PRR16: variants seen among roughly 807,000 people sequenced by gnomAD.
The protein encoded by PRR16 is protein Largen.
PRR16 carries 6 observed loss-of-function variants against 18.2 expected under a neutral mutation model. The ratio of observed to expected loss-of-function variants is 0.33; its 90% CI spans 0.18 to 0.65. The LOEUF is 0.65. Ranked by LOEUF, PRR16 falls within the 30% of genes least tolerant of loss-of-function variation. The probability of loss-of-function intolerance (pLI) is 0.74; values close to 1 mark genes in which losing one functional copy is unlikely to be tolerated. For missense variants in PRR16, 412 were observed against 376.6 expected (o/e 1.09, Z -0.78); for synonymous variants, 151 against 147.8 (o/e 1.02, Z -0.16).
At chr5:120,645,642 G>T (rs1304772006) in intron 1 of PRR16, among the ~76,000 whole-genome samples, 1 of 151,974 alleles carries the variant, frequency 6.6e-6, no homozygotes, top group Non-Finnish European at 1.5e-5. Flanking sequence ...GTTTGAAGTT[G>T]CTCAATAAGT....
chr5:120,568,281 A>G (rs2112730207), intron 1 of PRR16, among the ~76,000 whole-genome samples: 1 of 152,224 alleles, frequency 6.6e-6, no homozygotes, highest in South Asian at 2.1e-4. Context: ...GACATTGTGG[A>G]TCGATAGAGC....
chr5:120,754,245 TATTATAATATAAAA>T, the PRR16 span, among the ~76,000 whole-genome samples: 1 of 105,496 alleles, frequency 9.5e-6, no homozygotes, highest in East Asian at 2.4e-4. Context: ...TATAATTAGA[TATTATAATATAAAA>T]ATATAAATAT....
the PRR16 span, among the ~76,000 whole-genome samples, chr5:120,739,912 T>C: frequency 6.6e-6 from 1 of 152,168 alleles, no homozygotes; most frequent in African/African-American, 2.4e-5. Flanking sequence ...CTAAAACATA[T>C]TTTAAAATTT....
intron 1 of PRR16, among the ~76,000 whole-genome samples, chr5:120,479,611 G>T (rs2601210): frequency 0.31 from 46,711 of 151,754 alleles, 8,254 homozygotes; most frequent in African/African-American, 0.49. Flanking sequence ...TAAAAAATGA[G>T]TCAAAGAAAA....
chr5:120,532,111 A>G, intron 1 of PRR16, among the ~76,000 whole-genome samples: 1 of 152,166 alleles, frequency 6.6e-6, no homozygotes, highest in South Asian at 2.1e-4. Flanking sequence ...ATGATTGTAC[A>G]ATATGTTCTC....
chr5:120,532,484 A>G (rs1751583578), intron 1 of PRR16, among the ~76,000 whole-genome samples: 1 of 151,652 alleles, frequency 6.6e-6, no homozygotes, highest in African/African-American at 2.4e-5. Flanking sequence ...AGAGATAATT[A>G]AATTAATTAG....
intron 1 of PRR16, among the ~76,000 whole-genome samples, chr5:120,528,309 G>C (rs866047038): frequency 6.6e-6 from 1 of 152,154 alleles, no homozygotes; most frequent in African/African-American, 2.4e-5. Flanking sequence ...AATAGTTGAG[G>C]AAAGTCAGGT....
chr5:120,651,451 T>G, intron 1 of PRR16, among the ~76,000 whole-genome samples: 1 of 152,202 alleles, frequency 6.6e-6, no homozygotes, highest in East Asian at 1.9e-4. Flanking sequence ...CTAGGGTTTT[T>G]ATGGTTTTAG....
At chr5:120,725,662 G>A in the PRR16 span, among the ~76,000 whole-genome samples, 22 of 151,962 alleles carry the variant, frequency 1.4e-4, no homozygotes, top group Admixed American at 1.3e-4. Context: ...GAGTGACAGA[G>A]GAAAAATATT....
At chr5:120,780,440 A>G in the PRR16 span, among the ~76,000 whole-genome samples, 1 of 152,324 alleles carries the variant, frequency 6.6e-6, no homozygotes, top group Non-Finnish European at 1.5e-5. Flanking sequence ...AACAGGCAGT[A>G]GAAAGGGATT....
intron 1 of PRR16, among the ~76,000 whole-genome samples, chr5:120,484,534 A>G (rs2112815098): frequency 6.9e-6 from 1 of 145,604 alleles, no homozygotes; most frequent in Admixed American, 7.0e-5. Flanking sequence ...TGTATGTACA[A>G]TATGTCATAT....
At chr5:120,673,313 GATTTGGGGC>G (rs1580865247) in intron 1 of PRR16, among the ~76,000 whole-genome samples, 1 of 152,206 alleles carries the variant, frequency 6.6e-6, no homozygotes, top group East Asian at 1.9e-4. Flanking sequence ...GGTGCATGAT[GATTTGGGGC>G]ATTTCTACGT....
chr5:120,706,273 C>T, the PRR16 span, among the ~76,000 whole-genome samples: 1 of 151,632 alleles, frequency 6.6e-6, no homozygotes, highest in African/African-American at 2.4e-5. Context: ...ATCACCAGGC[C>T]TCCTGATGTA....
the PRR16 span, among the ~76,000 whole-genome samples, chr5:120,719,994 T>C: frequency 3.9e-5 from 6 of 152,180 alleles, no homozygotes; most frequent in South Asian, 1.2e-3. Context: ...AAGAACCTTC[T>C]ATAAACCCCT....
chr5:120,505,004 G>T (rs1750594141), intron 1 of PRR16, among the ~76,000 whole-genome samples: 1 of 152,032 alleles, frequency 6.6e-6, no homozygotes, highest in Admixed American at 6.6e-5. Flanking sequence ...GGTTCTTCAG[G>T]CTGTTATTTG....
intron 1 of PRR16, among the ~76,000 whole-genome samples, chr5:120,475,048 T>C (rs1749396110): frequency 1.3e-5 from 2 of 152,216 alleles, no homozygotes; most frequent in Non-Finnish European, 2.9e-5. Context: ...ACGATGATGA[T>C]GATACAGATG....
chr5:120,659,430 A>C lies in PRR16; in HGVS notation c.160-26524A>C, dbSNP rs191220990. On this transcript the variant is annotated intron_variant, in intron 1 of 1. Transcript: ENST00000407149. ...TCCTTCAGAATGTATAGACCTACCC[A>C]CTGAATATGTTTTCATTGATATATA... Among the ~76,000 whole-genome samples, 12 of 152,082 alleles carry C rather than the reference A, an allele frequency of 7.9e-5. No homozygotes were observed. The East Asian group carries it at 1.9e-3, about 25-fold the overall frequency.
intron 1 of PRR16, among the ~76,000 whole-genome samples, chr5:120,673,770 A>G (rs1756695257): frequency 6.6e-6 from 1 of 151,242 alleles, no homozygotes; most frequent in Admixed American, 6.6e-5. Flanking sequence ...AGAAACCCAT[A>G]TCTAAAAAAA....
At chr5:120,791,174 G>A in the PRR16 span, among the ~76,000 whole-genome samples, 9 of 152,112 alleles carry the variant, frequency 5.9e-5, no homozygotes, top group East Asian at 1.9e-4. Context: ...ATTGTTTGTA[G>A]TTGCTTATTT....
Sources: allele counts gnomAD v4.1 joint callset (sites outside exome capture counted in the v4.1 genomes callset), GRCh38; gene constraint gnomAD v4.1.1; transcripts MANE v1.5; gene names NCBI Gene and HGNC (gene_info 2026-07-23, HGNC 2026-07-21).